Variants in CSMD3 observed in about 807,000 individuals in gnomAD.
CSMD3 encodes the protein CUB and sushi domain-containing protein 3.
A neutral mutation model predicts 435.2 loss-of-function variants in CSMD3; 177 were observed. The ratio of observed to expected loss-of-function variants is 0.41; its 90% confidence interval spans 0.36 to 0.46. The LOEUF (loss-of-function observed/expected upper bound fraction) is 0.46. Ranked by LOEUF, CSMD3 falls within the 20% of genes least tolerant of loss-of-function variation. The pLI is 0.34. For synonymous variants in CSMD3, 1,656 were observed against 1,520.5 expected, an observed-to-expected ratio of 1.09 and a Z score of -2.07; for missense variants, 4,265 against 4,504.6, an observed-to-expected ratio of 0.95 and a Z score of 1.52.
rs758152640 is a variant in CSMD3, at chr8:112,306,016, G to C, written c.8062C>G (p.Arg2688Gly). 1 of 1,612,858 alleles carries C rather than the reference G, an allele frequency of 6.2e-7. No homozygotes were observed. The highest frequency in any genetic ancestry group is 1.3e-5 in the African/African-American group (1 of 74,878). The change falls in exon 51 of 71, where the codon CGC becomes GGC. Residue 2688 changes from arginine (R) to glycine (G), a missense_variant. By Grantham distance (125) the Arg-to-Gly change is moderately radical (BLOSUM62 -2). Around this residue, in one of 3 missense-constraint regions of CSMD3, gnomAD observed 3,255 missense variants for 3,380.2 expected, o/e 0.96. Transcript: ENST00000297405. Reference sequence around the variant, plus strand: ...CCCTTGACACACATACCAACACAGCGAGGGGTCTTGTTATGATTGCTCCAT... The same window carrying C: ...CCCTTGACACACATACCAACACAGCCAGGGGTCTTGTTATGATTGCTCCAT... The part of the protein sequence containing the change: ...GTWSNHNKTP[R>G]CVVVTCPSIN...
chr8:112,900,656 A>C (rs115323469), intron 10 of CSMD3, among the ~76,000 whole-genome samples: 2,200 of 151,348 alleles, frequency 0.015, 56 homozygotes, highest in African/African-American at 0.051. Flanking sequence ...AGTATGGTAA[A>C]ATATCAGACA....
At chr8:113,011,690 A>G (rs949067794) in intron 6 of CSMD3, among the ~76,000 whole-genome samples, 5 of 151,842 alleles carry the variant, frequency 3.3e-5, no homozygotes, top group African/African-American at 1.2e-4. Flanking sequence ...TAGGAAAAAT[A>G]TAATTTAAAA....
chr8:112,707,281 T>C (rs543708436), intron 13 of CSMD3, among the ~76,000 whole-genome samples: 1 of 152,222 alleles, frequency 6.6e-6, no homozygotes, highest in East Asian at 1.9e-4. Flanking sequence ...TTACTTATTA[T>C]GAAAGACTAC....
intron 35 of CSMD3, among the ~76,000 whole-genome samples, chr8:112,397,451 A>T (rs1830948952): frequency 6.6e-6 from 1 of 152,178 alleles, no homozygotes; most frequent in Admixed American, 6.5e-5. Flanking sequence ...CTATCTCTGG[A>T]TATGCACTTT....
At chr8:112,332,385 T>C (rs777263328) in intron 45 of CSMD3, among the ~76,000 whole-genome samples, 32 of 152,046 alleles carry the variant, frequency 2.1e-4, no homozygotes, top group African/African-American at 7.0e-4. Context: ...ATGATGGAGA[T>C]GAAGATGAGA....
rs772298520 is a variant in CSMD3, at chr8:112,231,602, C to T, written c.10771G>A (p.Val3591Ile). 1.9e-6 allele frequency: 3 copies of T among 1,612,122 alleles called. No homozygotes were observed. The South Asian group carries it at 3.3e-5, about 18-fold the overall frequency. Residue 3591 changes from valine (V) to isoleucine (I), a missense_variant, in exon 69 of 71, where the codon GTA (valine) becomes ATA (isoleucine). By Grantham distance (29) the Val-to-Ile change is conservative (BLOSUM62 3). Transcript: ENST00000297405. ...VSAEPDGATY[V>I]FQGFIQGKDY... is the part of the protein sequence containing the mutation. ...TTGCCTTGAATAAATCCTTGAAATA[C>T]ATAAGTAGCTCCATCAGGCTCAGCA...
At chr8:112,707,487 AG>A (rs1456618139) in intron 13 of CSMD3, among the ~76,000 whole-genome samples, 8 of 143,118 alleles carry the variant, frequency 5.6e-5, no homozygotes, top group African/African-American at 8.1e-5. Flanking sequence ...GTGCGGCGGG[AG>A]GGGGGTGGTT....
At chr8:113,008,763 T>G (rs1482591325) in intron 6 of CSMD3, among the ~76,000 whole-genome samples, 1 of 151,480 alleles carries the variant, frequency 6.6e-6, no homozygotes, top group Non-Finnish European at 1.5e-5. Flanking sequence ...TTCCATGTAT[T>G]TGTTTGAATA....
At chr8:112,619,379 CA>C (rs908907947) in intron 22 of CSMD3, among the ~76,000 whole-genome samples, 1 of 151,872 alleles carries the variant, frequency 6.6e-6, no homozygotes, top group African/African-American at 2.4e-5. Context: ...ATCACCCTTT[CA>C]AAATGAAACT....
chr8:112,287,783 A>C (rs1450091308), intron 57 of CSMD3, among the ~76,000 whole-genome samples: 1 of 152,132 alleles, frequency 6.6e-6, no homozygotes, highest in Non-Finnish European at 1.5e-5. Flanking sequence ...CCAATGATCA[A>C]AGATGAATGA....
At chr8:112,564,141 A>ATT (rs60067756) in intron 24 of CSMD3, among the ~76,000 whole-genome samples, 4 of 142,162 alleles carry the variant, frequency 2.8e-5, no homozygotes, top group Non-Finnish European at 4.7e-5. Flanking sequence ...GTTTTAGGTT[A>ATT]TTTTTTTTTT....
chr8:112,743,442 A>T (rs1468555920), intron 13 of CSMD3, among the ~76,000 whole-genome samples: 1 of 151,942 alleles, frequency 6.6e-6, no homozygotes, highest in East Asian at 1.9e-4. Context: ...CATTCCTTTT[A>T]ATTTCTAAAT....
chr8:112,525,749 TAC>T (rs1180640006), intron 27 of CSMD3, among the ~76,000 whole-genome samples: 8 of 131,292 alleles, frequency 6.1e-5, no homozygotes, highest in South Asian at 2.5e-4. Context: ...ACCATATATA[TAC>T]ATATATATAT....
At chr8:113,272,119 A>C (rs910284474) in intron 3 of CSMD3, among the ~76,000 whole-genome samples, 1 of 152,018 alleles carries the variant, frequency 6.6e-6, no homozygotes, top group East Asian at 1.9e-4. Context: ...CTTGCTTTTG[A>C]TTTTATGGGC....
At chr8:112,245,415 T>A (rs1020327674) in intron 64 of CSMD3, among the ~76,000 whole-genome samples, 1 of 152,138 alleles carries the variant, frequency 6.6e-6, no homozygotes, top group Admixed American at 6.6e-5. Flanking sequence ...AAGTGTTCTG[T>A]GGATAAATAA....
intron 4 of CSMD3, among the ~76,000 whole-genome samples, chr8:113,140,941 A>G (rs985557109): frequency 6.6e-6 from 1 of 151,072 alleles, no homozygotes; most frequent in Non-Finnish European, 1.5e-5. Flanking sequence ...ATAAAACAGA[A>G]GGATTTTTAA....
intron 3 of CSMD3, among the ~76,000 whole-genome samples, chr8:113,197,772 A>C (rs1040736522): frequency 1.3e-4 from 20 of 151,342 alleles, no homozygotes; most frequent in Non-Finnish European, 2.7e-4. Flanking sequence ...ACATCATATA[A>C]TCATTTTATG....
At chr8:113,119,963 A>AC (rs2131631084) in intron 4 of CSMD3, among the ~76,000 whole-genome samples, 1 of 80,752 alleles carries the variant, frequency 1.2e-5, no homozygotes, top group Admixed American at 1.6e-4. Context: ...GTTCAAATTT[A>AC]TTTATTTAAT....
rs184564938 is a variant in CSMD3, at chr8:113,202,635, T to C, written c.515-28719A>G. ...TTATCTGCATTCTCAAAGAACTTGG[T>C]AAGCACTTATGTCAAGGTTGCCTAG... On this transcript the variant is annotated intron_variant, in intron 3 of 70. Coordinates refer to ENST00000297405, the MANE Select transcript of CSMD3 (RefSeq NM_198123.2). Among the ~76,000 whole-genome samples, 580 of 152,238 alleles carry C rather than the reference T, an allele frequency of 3.8e-3. 8 individuals carry two copies. Among genetic ancestry groups the C allele is most frequent in the African/African-American group, 0.013 (560 of 41,568 alleles).
Sources: gnomAD v4.1 joint callset for allele counts (sites outside exome capture counted in the v4.1 genomes callset) on GRCh38, gnomAD v4.1.1 for gene constraint, gnomAD v4.1.1 regional missense constraint, MANE v1.5 for transcripts, NCBI Gene and HGNC (gene_info 2026-07-23, HGNC 2026-07-21) for gene names.